Variants in DEUP1 observed in about 807,000 individuals in gnomAD.
The protein encoded by DEUP1 is coiled-coil domain containing 67.
In DEUP1, 82 loss-of-function variants were observed where a neutral mutation model predicts 87.4. The observed-to-expected ratio is 0.94, with a 90% confidence interval of 0.78 to 1.13. DEUP1 has a LOEUF of 1.13. DEUP1 is among the 50% of genes most tolerant of loss of function. The pLI is 0.00. For missense variants in DEUP1, 663 were observed against 681.5 expected, an observed-to-expected ratio of 0.97 and a Z score of 0.30; for synonymous variants, 214 against 222.7, an observed-to-expected ratio of 0.96 and a Z score of 0.35.
rs1381399176 is a variant in DEUP1, at chr11:93,330,782, C to G, written c.-45+10C>G. ...GCGCGGCGCAGCGCAGGTAATGGCT[C>G]CTGGCCTTCCCGGCCCCGCCTCGCC... On this transcript the variant is annotated intron_variant, in intron 1 of 13. Transcript: ENST00000298050. 3 of 152,494 alleles carry G rather than the reference C, an allele frequency of 2.0e-5. No individual in the cohort carries two copies. The highest frequency in any genetic ancestry group is 2.0e-4 in the Admixed American group (3 of 15,288). The allele number at this position is 152,494 out of a possible 1,614,324, so 9.4% of individuals were successfully genotyped here.
chr11:93,383,238 A>G (rs553359800), intron 7 of DEUP1, among the ~76,000 whole-genome samples: 1 of 152,358 alleles, frequency 6.6e-6, no homozygotes, highest in South Asian at 2.1e-4. Context: ...TGATGAATAG[A>G]TAAACAAAAT....
At position 93,437,651 on chromosome 11, in the gene DEUP1, G is replaced by A; in HGVS notation, c.1747G>A (p.Glu583Lys). ...LEKLLNTHID[E>K]LQRHTEFTLN... Reference sequence around the variant, plus strand: ...AAAACTTCTAAATACACATATTGATGAACTGCAAAGACACACAGAATTTAC... The same window carrying A: ...AAAACTTCTAAATACACATATTGATAAACTGCAAAGACACACAGAATTTAC... The change falls in exon 14 of 14, where the codon GAA (glutamate) becomes AAA (lysine). Residue 583 changes from glutamate (E) to lysine (K), a missense_variant. Transcript: ENST00000298050. The A allele has an allele frequency of 1.2e-6, 2 of 1,608,292 alleles. No homozygotes were observed. The highest frequency in any genetic ancestry group is 1.7e-6 in the Non-Finnish European group (2 of 1,175,054).
chr11:93,344,955 C>T (rs567892672), intron 2 of DEUP1, among the ~76,000 whole-genome samples: 1 of 151,744 alleles, frequency 6.6e-6, no homozygotes, highest in East Asian at 1.9e-4. Context: ...TTTCATCATC[C>T]ACATACTAAG....
chr11:93,437,747 C>G lies in DEUP1; in HGVS notation c.*28C>G. The G allele has an allele frequency of 1.9e-6, 2 of 1,052,652 alleles. No homozygotes were observed. Among genetic ancestry groups the G allele is most frequent in the Non-Finnish European group, 2.7e-6 (2 of 736,954 alleles). The allele number at this position is 1,052,652 out of a possible 1,614,324, so 65.2% of individuals were successfully genotyped here. On this transcript the variant is annotated 3_prime_UTR_variant, in exon 14 of 14. Coordinates refer to ENST00000298050, the MANE Select transcript of DEUP1 (RefSeq NM_181645.4). The stretch of plus-strand genomic sequence containing the variant: ...TTTTAAACTTTTTTATTTGCTTCCC[C>G]CCCCCACCCCCGCCAAGAAAAAAAG...
In DEUP1 at chr11:93,419,679, A is replaced by C. The variant is rs1473024408; in HGVS notation, c.1638+4565A>C. Among the ~76,000 whole-genome samples, 3 of 152,164 alleles carry C rather than the reference A, an allele frequency of 2.0e-5. No individual in the cohort carries two copies. In the South Asian group the frequency reaches 6.2e-4, roughly 32 times the overall value. On this transcript the variant is annotated intron_variant, in intron 13 of 13. Transcript: ENST00000298050. ...GTAGTTTCAAGTTTTAAAGGAGATTAAATATATTAAAGTTTTTCAAGAACT... is the reference window on the plus strand; with the variant it reads ...GTAGTTTCAAGTTTTAAAGGAGATTCAATATATTAAAGTTTTTCAAGAACT...
intron 7 of DEUP1, among the ~76,000 whole-genome samples, chr11:93,373,902 C>A (rs1945900127): frequency 6.6e-6 from 1 of 152,020 alleles, no homozygotes; most frequent in Non-Finnish European, 1.5e-5. Context: ...TTTACATTCC[C>A]ACCAGCAGGG....
intron 2 of DEUP1, among the ~76,000 whole-genome samples, 195 bp downstream of exon 2, chr11:93,332,483 A>G (rs905415493): frequency 6.6e-5 from 10 of 152,210 alleles, no homozygotes; most frequent in Admixed American, 5.9e-4. Context: ...GACACTACAG[A>G]TCTGCACTCA....
intron 13 of DEUP1, among the ~76,000 whole-genome samples, chr11:93,436,320 G>A (rs1948248226): frequency 6.6e-6 from 1 of 152,158 alleles, no homozygotes; most frequent in South Asian, 2.1e-4. Flanking sequence ...GTCCAGATGG[G>A]CTAGGCCCCT....
upstream of DEUP1, chr11:93,330,645 G>A (rs1943422644): frequency 6.5e-6 from 1 of 152,876 alleles, no homozygotes; most frequent in East Asian, 1.9e-4. Flanking sequence ...GCGGCGGGAG[G>A]GCCCAGGCGG....
intron 13 of DEUP1, among the ~76,000 whole-genome samples, chr11:93,435,766 GAGGGC>G (rs1948224738): frequency 6.6e-6 from 1 of 152,136 alleles, no homozygotes; most frequent in Non-Finnish European, 1.5e-5. Flanking sequence ...GGAGGCCGAG[GAGGGC>G]AGATCACGAG....
intron 12 of DEUP1, among the ~76,000 whole-genome samples, chr11:93,413,424 A>G (rs936760533): frequency 7.2e-5 from 11 of 152,058 alleles, no homozygotes; most frequent in Non-Finnish European, 1.0e-4. Flanking sequence ...TTGTATTTTT[A>G]GTAGCGACGG....
At chr11:93,393,479 G>A (rs1039383515) in intron 9 of DEUP1, among the ~76,000 whole-genome samples, 1 of 151,638 alleles carries the variant, frequency 6.6e-6, no homozygotes, top group African/African-American at 2.4e-5. Context: ...AAGCCACCAC[G>A]CCCGGCTAGA....
At chr11:93,418,010 T>C (rs979093949) in intron 13 of DEUP1, among the ~76,000 whole-genome samples, 6 of 151,750 alleles carry the variant, frequency 4.0e-5, no homozygotes, top group African/African-American at 1.2e-4. Context: ...CCCTTCCTTA[T>C]ACCTTATACA....
In DEUP1 at chr11:93,383,601, C is replaced by T. The variant is rs60295584; in HGVS notation, c.790-1797C>T. On this transcript the variant is annotated intron_variant, in intron 7 of 13. Coordinates refer to ENST00000298050, the MANE Select transcript of DEUP1 (RefSeq NM_181645.4). ...TGCTGGATTGTACACTTTAAATGGG[C>T]GAATTTATGGTATGTGGATTATATT... 1,649 of 658,824 alleles carry T rather than the reference C, an allele frequency of 2.5e-3. 19 individuals are homozygous for T. The African/African-American group carries it at 0.026, about 10-fold the overall frequency. 40.8% of individuals were successfully genotyped at this position (658,824 alleles called of 1,614,324 possible).
At chr11:93,395,738 T>C (rs914201920) in intron 10 of DEUP1, among the ~76,000 whole-genome samples, 14 of 152,102 alleles carry the variant, frequency 9.2e-5, no homozygotes, top group African/African-American at 3.4e-4. Context: ...TCCTGTCAAG[T>C]AGAATAAATC....
At chr11:93,408,108 A>C (rs1947334645) in intron 11 of DEUP1, 123 bp from the exon 12 acceptor site, 1 of 656,720 alleles carries the variant, frequency 1.5e-6, no homozygotes, top group Non-Finnish European at 2.5e-6. Context: ...AGTGAGCAAG[A>C]GTACAGCCAC....
chr11:93,389,206 T>A lies in DEUP1; in HGVS notation c.1041+81T>A, dbSNP rs1946690240. 2.0e-5 allele frequency: 15 copies of A among 760,582 alleles called. 1 individual carries two copies. The South Asian group carries it at 2.6e-4, about 13-fold the overall frequency. The allele number at this position is 760,582 out of a possible 1,614,324, so 47.1% of individuals were successfully genotyped here. On this transcript the variant is annotated intron_variant, in intron 9 of 13. Coordinates refer to ENST00000298050, the MANE Select transcript of DEUP1 (RefSeq NM_181645.4). ...AAGGGAGTTAAAAAAAAATCTTTCT[T>A]CTCACTCCCTTTGTTTTCCTTCTGT...
intron 2 of DEUP1, among the ~76,000 whole-genome samples, chr11:93,347,288 T>C (rs1944401196): frequency 6.6e-6 from 1 of 152,242 alleles, no homozygotes; most frequent in South Asian, 2.1e-4. Context: ...GTGGTTTTTG[T>C]CTTTAGTTCT....
At chr11:93,349,585 C>A (rs554124309) in intron 2 of DEUP1, among the ~76,000 whole-genome samples, 17 of 147,518 alleles carry the variant, frequency 1.2e-4, no homozygotes, top group African/African-American at 1.0e-4. Context: ...ATGAAATTGA[C>A]AAAAAAAAAA....
Sources: allele counts gnomAD v4.1 joint callset (sites outside exome capture counted in the v4.1 genomes callset), GRCh38; gene constraint gnomAD v4.1.1; transcripts MANE v1.5; gene names NCBI Gene and HGNC (gene_info 2026-07-23, HGNC 2026-07-21).